The following BCAS3 variants were observed in gnomAD, a reference collection of about 807,000 sequenced individuals.
BCAS3 encodes BCAS4/BCAS3 fusion.
BCAS3 carries 53 observed loss-of-function variants against 116.1 expected under a neutral mutation model. The observed-to-expected ratio is 0.46, with a 90% CI of 0.37 to 0.57. The LOEUF (loss-of-function observed/expected upper bound fraction) is 0.57. Ranked by LOEUF, BCAS3 falls within the 20% of genes least tolerant of loss-of-function variation. BCAS3 has a pLI of 0.00. For missense variants in BCAS3, 917 were observed against 1,165.4 expected, an observed-to-expected ratio of 0.79 and a Z score of 3.10; for synonymous variants, 391 against 408.2, an observed-to-expected ratio of 0.96 and a Z score of 0.51.
At chr17:61,299,108 C>G (rs1349032940) in intron 22 of BCAS3, among the ~76,000 whole-genome samples, 1 of 151,760 alleles carries the variant, frequency 6.6e-6, no homozygotes, top group Non-Finnish European at 1.5e-5. Context: ...CAGGCATGAG[C>G]CACCGTGCCT....
intron 8 of BCAS3, among the ~76,000 whole-genome samples, chr17:60,869,801 C>A (rs973440996): frequency 2.0e-5 from 3 of 152,162 alleles, no homozygotes; most frequent in African/African-American, 7.2e-5. Flanking sequence ...GTCCTTTGTG[C>A]TGTCACAAAC....
chr17:60,804,923 A>T (rs2048131467), intron 6 of BCAS3, among the ~76,000 whole-genome samples: 1 of 149,668 alleles, frequency 6.7e-6, no homozygotes, highest in Non-Finnish European at 1.5e-5. Context: ...ATTGTCAATT[A>T]TTGTGGCTTT....
At chr17:61,009,166 A>T (rs756399789) in intron 15 of BCAS3, among the ~76,000 whole-genome samples, 7 of 151,982 alleles carry the variant, frequency 4.6e-5, no homozygotes, top group Non-Finnish European at 2.9e-5. Flanking sequence ...AATAAGTGGG[A>T]TGATATGTGG....
chr17:61,003,086 G>GT (rs1040607628), intron 15 of BCAS3, among the ~76,000 whole-genome samples: 5 of 150,444 alleles, frequency 3.3e-5, no homozygotes, highest in Admixed American at 1.3e-4. Context: ...TTCTCAGTTG[G>GT]TTTTTTTTGG....
chr17:60,952,124 T>C (rs1209762452), intron 14 of BCAS3, among the ~76,000 whole-genome samples: 2 of 152,196 alleles, frequency 1.3e-5, no homozygotes, highest in Non-Finnish European at 2.9e-5. Context: ...TCATGAGCTT[T>C]AATTAAAATG....
At position 60,730,461 on chromosome 17, in the gene BCAS3, C is replaced by T. The variant is rs556810752; in HGVS notation, c.322-16737C>T. ...ACTCCTCACAAATATGCATTTTAGG[C>T]GATTTTTATGGCTTGCATTTTTTTT... On this transcript the variant is annotated intron_variant, in intron 5 of 23. Transcript: ENST00000407086. Among the ~76,000 whole-genome samples the T allele has an allele frequency of 5.3e-5, 8 of 152,152 alleles. No homozygotes were observed. In the South Asian group the frequency reaches 1.5e-3, roughly 28 times the overall value.
rs1453826619 is a variant in BCAS3 at position 61,279,208 on chromosome 17, A to G, written c.2426-89119A>G. Among the ~76,000 whole-genome samples, 4 of 152,104 alleles carry G rather than the reference A, an allele frequency of 2.6e-5. No homozygotes were observed. Among genetic ancestry groups the G allele is most frequent in the African/African-American group, 9.7e-5 (4 of 41,424 alleles). ...GTGATCCGCCCACCTCGGCCTCCCA[A>G]AGTGTTGGGATTACAGGCATGAGCC... On this transcript the variant is annotated intron_variant, in intron 22 of 23. Coordinates refer to ENST00000407086, the MANE Select transcript of BCAS3 (RefSeq NM_017679.5). The surrounding 1 kb of genome is among the most constrained non-coding windows in gnomAD (Gnocchi z 4.4).
intron 6 of BCAS3, among the ~76,000 whole-genome samples, chr17:60,775,739 C>T (rs1036340067): frequency 1.3e-5 from 2 of 151,986 alleles, no homozygotes; most frequent in Admixed American, 6.6e-5. Context: ...AGGAATGATC[C>T]GCACAAATTA....
In BCAS3 at chr17:61,334,675, A is replaced by AAAC. The variant is rs1555834951; in HGVS notation, c.2426-33650_2426-33649insCAA. On this transcript the variant is annotated intron_variant, in intron 22 of 23. Coordinates refer to ENST00000407086, the MANE Select transcript of BCAS3 (RefSeq NM_017679.5). ...GCAAAACTCCATCTCAAAAAAAAAA[A>AAAC]AAAAAAAAAAAAAACACCAAGAAAA... 1.9e-3 allele frequency among the ~76,000 whole-genome samples: 276 copies of AAAC among 146,270 alleles called. 4 individuals carry two copies. The highest frequency in any genetic ancestry group is 6.1e-3 in the African/African-American group (236 of 38,588).
Position 61,065,517 on chromosome 17 carries a change from G to GT in BCAS3, c.2030-9400dup, listed in dbSNP as rs2070516399. On this transcript the variant is annotated intron_variant, in intron 19 of 23. Coordinates refer to ENST00000407086, the MANE Select transcript of BCAS3 (RefSeq NM_017679.5). This position sits in a 1 kb window ranked among gnomAD's most constrained non-coding sequence, Gnocchi z 4.8. The stretch of plus-strand genomic sequence containing the variant: ...TTTGGGTGAACTTTGAGCCTGAGCT[G>GT]TTTCATTCAAGGCAGCATGATGTCA... 6.6e-6 allele frequency among the ~76,000 whole-genome samples: 1 copy of GT among 152,162 alleles called. No homozygotes were observed. The highest frequency in any genetic ancestry group is 2.1e-4 in the South Asian group (1 of 4,824).
chr17:60,875,677 A>C (rs1302177031), intron 9 of BCAS3, among the ~76,000 whole-genome samples: 5 of 152,038 alleles, frequency 3.3e-5, no homozygotes, highest in Non-Finnish European at 7.4e-5. Flanking sequence ...TTAAATATAC[A>C]AATGTCTTCA....
At position 61,228,417 on chromosome 17, in the gene BCAS3, C is replaced by A. The variant is rs1157990581; in HGVS notation, c.2426-139910C>A. On this transcript the variant is annotated intron_variant, in intron 22 of 23. Transcript: ENST00000407086. This position sits in a 1 kb window ranked among gnomAD's most constrained non-coding sequence, Gnocchi z 5.0. Reference sequence around the variant, plus strand: ...ATTTAAAAGCACTAAAGTATAGGCACACCTCATTTTACTGCATTTTGCTTG... The same window carrying A: ...ATTTAAAAGCACTAAAGTATAGGCAAACCTCATTTTACTGCATTTTGCTTG... Among the ~76,000 whole-genome samples the A allele has an allele frequency of 6.6e-6, 1 of 152,156 alleles. No individual in the cohort carries two copies. Among genetic ancestry groups the A allele is most frequent in the Admixed American group, 6.5e-5 (1 of 15,278 alleles).
chr17:61,358,818 A>G (rs1227000033), intron 22 of BCAS3, among the ~76,000 whole-genome samples: 1 of 152,150 alleles, frequency 6.6e-6, no homozygotes, highest in East Asian at 1.9e-4. Flanking sequence ...GCATATTGCC[A>G]AATTGCCCGT....
chr17:61,107,093 T>TC (rs1486487037), intron 22 of BCAS3, among the ~76,000 whole-genome samples: 3 of 145,294 alleles, frequency 2.1e-5, no homozygotes, highest in African/African-American at 7.5e-5. Flanking sequence ...TTTTTTTTTT[T>TC]TTTTTTTTTT....
chr17:61,341,515 G>A (rs2057147696), intron 22 of BCAS3, among the ~76,000 whole-genome samples: 1 of 152,192 alleles, frequency 6.6e-6, no homozygotes, highest in South Asian at 2.1e-4. Flanking sequence ...ACTGAAGCTG[G>A]TGGAGCCGGA....
At chr17:60,989,629 A>T (rs1041626195) in intron 14 of BCAS3, among the ~76,000 whole-genome samples, 3 of 152,162 alleles carry the variant, frequency 2.0e-5, no homozygotes, top group Admixed American at 1.3e-4. Flanking sequence ...AAGCTTGCAG[A>T]TACATGAGCC....
chr17:61,311,665 C>A (rs1342138772), intron 22 of BCAS3, among the ~76,000 whole-genome samples: 1 of 152,176 alleles, frequency 6.6e-6, no homozygotes, highest in South Asian at 2.1e-4. Flanking sequence ...GAGGCCGAGG[C>A]GGGCAGATAA....
At chr17:61,269,680 C>T (rs73328834) in intron 22 of BCAS3, among the ~76,000 whole-genome samples, 32,388 of 152,016 alleles carry the variant, frequency 0.21, 6,785 homozygotes, top group African/African-American at 0.55. Flanking sequence ...CATTGTGATT[C>T]TGATTTGCAT....
At chr17:60,696,792 G>A (rs1329303483) in intron 4 of BCAS3, among the ~76,000 whole-genome samples, 1 of 152,142 alleles carries the variant, frequency 6.6e-6, no homozygotes, top group Non-Finnish European at 1.5e-5. Context: ...GGTCATTAAA[G>A]CCACAGAACT....
Sources: gnomAD v4.1 joint callset for allele counts (sites outside exome capture counted in the v4.1 genomes callset) on GRCh38, gnomAD v4.1.1 for gene constraint, Gnocchi (gnomAD v3.1) non-coding constraint, MANE v1.5 for transcripts, NCBI Gene and HGNC (gene_info 2026-07-23, HGNC 2026-07-21) for gene names.